Variants in RPS9 observed in about 807,000 individuals in gnomAD.
RPS9 encodes the protein ribosomal protein S9, also known as small ribosomal subunit protein uS4.
A neutral mutation model predicts 16.9 loss-of-function variants in RPS9; 1 was observed. That is an observed-to-expected ratio of 0.06 (90% confidence interval 0.02 to 0.28). The LOEUF (loss-of-function observed/expected upper bound fraction) is 0.28, where lower values mean the gene tolerates loss of function less well. Among genes scored for constraint, RPS9 ranks in the 10% least tolerant of loss-of-function variants. RPS9 has a pLI of 1.00. For missense variants in RPS9, 137 were observed against 273.2 expected (o/e 0.50, Z 3.51); for synonymous variants, 106 against 110.9 (o/e 0.96, Z 0.28).
At chr19:54,204,961 A>G (rs574828966) in intron 3 of RPS9, among the ~76,000 whole-genome samples, 1 of 152,260 alleles carries the variant, frequency 6.6e-6, no homozygotes, top group East Asian at 1.9e-4. Flanking sequence ...ACTGCTCCCT[A>G]CTGGGAAAAC....
At chr19:54,204,182 C>T (rs2077161906) in intron 3 of RPS9, among the ~76,000 whole-genome samples, 1 of 151,378 alleles carries the variant, frequency 6.6e-6, no homozygotes, top group South Asian at 2.1e-4. Flanking sequence ...GAGTTTGAGA[C>T]TAGCCTGACC....
At chr19:54,207,226 T>TA in intron 4 of RPS9, 172 bp from the exon 5 acceptor site, 1 of 575,090 alleles carries the variant, frequency 1.7e-6, no homozygotes, top group Non-Finnish European at 3.1e-6. Context: ...ATTAAGGTGA[T>TA]ACCCTAAAAC....
intron 3 of RPS9, chr19:54,202,666 C>G (rs2077099832): frequency 3.0e-6 from 3 of 985,258 alleles, no homozygotes; most frequent in Admixed American, 6.2e-5. Context: ...TTGGCATGAC[C>G]AAGATTGGCA....
intron 3 of RPS9, among the ~76,000 whole-genome samples, chr19:54,205,382 C>G (rs1443143585): frequency 6.6e-6 from 1 of 151,012 alleles, no homozygotes; most frequent in African/African-American, 2.4e-5. Flanking sequence ...TTATGCAGTG[C>G]ATTGTTAGGT....
chr19:54,206,376 G>A lies in RPS9; in HGVS notation c.321G>A (p.Glu107=). Residue 107 remains glutamate, a synonymous_variant, in exon 4 of 5, where the codon GAG becomes GAA. Coordinates refer to ENST00000302907, the MANE Select transcript of RPS9 (RefSeq NM_001013.4). ...GCCTGAAGATAGAGGATTTCTTAGA[G>A]AGACGCCTGCAGACCCAGGTCTTCA... The part of the protein sequence containing the change: ...ILGLKIEDFL[E]RRLQTQVFKL... The A allele has an allele frequency of 1.2e-6, 2 of 1,614,236 alleles. No individual in the cohort carries two copies. The highest frequency in any genetic ancestry group is 1.7e-6 in the Non-Finnish European group (2 of 1,180,044).
chr19:54,205,801 T>A (rs930164837), intron 3 of RPS9, among the ~76,000 whole-genome samples: 3 of 152,096 alleles, frequency 2.0e-5, no homozygotes, highest in Non-Finnish European at 4.4e-5. Flanking sequence ...CTGACAACCA[T>A]AGGGTAGTTT....
At position 54,202,650 on chromosome 19, in the gene RPS9, A is replaced by G. The variant is rs2077099133; in HGVS notation, c.220+1041A>G. On this transcript the variant is annotated intron_variant, in intron 3 of 4. Coordinates refer to ENST00000302907, the MANE Select transcript of RPS9 (RefSeq NM_001013.4). ...GCGGTGTTATTGGAGTGCTTTCTAC[A>G]GCAGATTGGCATGACCAAGATTGGC... 1.5e-5 allele frequency: 15 copies of G among 985,350 alleles called. No individual in the cohort carries two copies. The South Asian group carries it at 5.2e-4, about 34-fold the overall frequency. 61.0% of individuals were successfully genotyped at this position (985,350 alleles called of 1,614,324 possible).
rs764604796 is a variant in RPS9, at chr19:54,207,584, GT to G, written c.*10del. 3.3e-4 allele frequency: 526 copies of G among 1,598,812 alleles called. No individual in the cohort carries two copies. The highest frequency in any genetic ancestry group is 4.4e-4 in the Non-Finnish European group (516 of 1,172,258). The stretch of plus-strand genomic sequence containing the variant: ...ACGAGGAGGAGGATTAAGTCCACCT[GT>G]CCCTCCTGGGCTGCTGGATTGTCTC... On this transcript the variant is annotated 3_prime_UTR_variant, in exon 5 of 5. Transcript: ENST00000302907.
Position 54,200,884 on chromosome 19 carries a change from C to A in RPS9, c.-30C>A, listed in dbSNP as rs1042786414. On this transcript the variant is annotated 5_prime_UTR_variant, in exon 1 of 5. Transcript: ENST00000302907. ...TCTTTCTCAGTGACCGGGTGGTTTG[C>A]TTAGGTGAGGTGCGGTGGTGTGCTT... 9 of 1,129,928 alleles carry A rather than the reference C, an allele frequency of 8.0e-6. No homozygotes were observed. Among genetic ancestry groups the A allele is most frequent in the Non-Finnish European group, 9.8e-6 (9 of 915,262 alleles). The allele number at this position is 1,129,928 out of a possible 1,614,324, so 70.0% of individuals were successfully genotyped here.
chr19:54,205,315 A>T (rs1413975716), intron 3 of RPS9, among the ~76,000 whole-genome samples: 2 of 151,624 alleles, frequency 1.3e-5, no homozygotes, highest in East Asian at 1.9e-4. Context: ...GGTAAGGAGC[A>T]AGCCGTCCTG....
chr19:54,200,990 A>G, intron 1 of RPS9, 102 bp downstream of exon 1: 1 of 1,439,514 alleles, frequency 6.9e-7, no homozygotes, highest in Non-Finnish European at 9.1e-7. Flanking sequence ...GAAACAGAGC[A>G]GGGTGGTTGA....
intron 4 of RPS9, 135 bp downstream of exon 4, chr19:54,206,597 C>T: frequency 6.4e-7 from 1 of 1,552,274 alleles, no homozygotes; most frequent in Non-Finnish European, 8.7e-7. Flanking sequence ...GGTACAGATT[C>T]ACCCTTGCAC....
rs761721465 is a variant in RPS9, at chr19:54,206,538, C to T, written c.407+76C>T. 3.8e-6 allele frequency: 6 copies of T among 1,588,638 alleles called. No individual in the cohort carries two copies. In the South Asian group the frequency reaches 5.7e-5, roughly 15 times the overall value. On this transcript the variant is annotated intron_variant, in intron 4 of 4. Transcript: ENST00000302907. ...GTTGCCCTCACTAAGCCTGCTGTCC[C>T]TATCTCCTATGCAGCCCTCGGAGGT...
At chr19:54,201,000 A>T in intron 1 of RPS9, 112 bp downstream of exon 1, 1 of 1,441,218 alleles carries the variant, frequency 6.9e-7, no homozygotes, top group Non-Finnish European at 9.1e-7. Flanking sequence ...AGGGTGGTTG[A>T]ACGGGAGTGC....
chr19:54,206,567 G>C, intron 4 of RPS9, 105 bp downstream of exon 4: 1 of 1,560,276 alleles, frequency 6.4e-7, no homozygotes. Context: ...CGGAGGTGAT[G>C]GGTGTGAACT....
At chr19:54,201,064 CG>C (rs2077026043) in intron 1 of RPS9, 95 bp from the exon 2 acceptor site, 1 of 1,515,764 alleles carries the variant, frequency 6.6e-7, no homozygotes, top group African/African-American at 1.4e-5. Flanking sequence ...GTTATTCTCG[CG>C]AGATCGGATC....
intron 3 of RPS9, chr19:54,203,029 G>A (rs921051122): frequency 5.1e-6 from 5 of 984,706 alleles, no homozygotes; most frequent in Admixed American, 6.2e-5. Context: ...TGTAGACCCC[G>A]TTGATAATCT....
intron 3 of RPS9, chr19:54,203,065 C>G: frequency 1.0e-6 from 1 of 985,272 alleles, no homozygotes; most frequent in Non-Finnish European, 1.2e-6. Context: ...GATCCCTCCC[C>G]CATAGATACT....
chr19:54,201,328 G>C, intron 2 of RPS9, 47 bp downstream of exon 2: 2 of 1,613,584 alleles, frequency 1.2e-6, no homozygotes, highest in South Asian at 2.2e-5. Flanking sequence ...CCGGGAGGCG[G>C]TTAGCACGTG....
Sources: allele counts gnomAD v4.1 joint callset (sites outside exome capture counted in the v4.1 genomes callset), GRCh38; gene constraint gnomAD v4.1.1; transcripts MANE v1.5; gene names NCBI Gene and HGNC (gene_info 2026-07-23, HGNC 2026-07-21).